The following CADPS2 variants were observed in gnomAD, a reference collection of about 807,000 sequenced individuals.
CADPS2 encodes the protein calcium-dependent secretion activator 2.
In CADPS2, 93 loss-of-function variants were observed where a neutral mutation model predicts 172.5. The ratio of observed to expected loss-of-function variants is 0.54; its 90% CI spans 0.46 to 0.64. The LOEUF is 0.64. Among genes scored for constraint, CADPS2 ranks in the 30% least tolerant of loss-of-function variants. The pLI, the probability that CADPS2 is intolerant of heterozygous loss-of-function variation, is 0.00. For missense variants in CADPS2, 1,420 were observed against 1,565.9 expected (o/e 0.91, Z 1.57); for synonymous variants, 546 against 555.2 (o/e 0.98, Z 0.23).
At chr7:122,498,746 CTTTT>C (rs1388625810) in intron 9 of CADPS2, among the ~76,000 whole-genome samples, 2 of 152,004 alleles carry the variant, frequency 1.3e-5, no homozygotes, top group African/African-American at 4.8e-5. Flanking sequence ...CTGTTATTTT[CTTTT>C]TTGTTATTGT....
intron 28 of CADPS2, among the ~76,000 whole-genome samples, chr7:122,329,883 G>A (rs1052508637): frequency 7.2e-5 from 11 of 152,156 alleles, no homozygotes; most frequent in Non-Finnish European, 1.5e-4. Context: ...AATGATTTTT[G>A]TCAGAATGCG....
At position 122,388,597 on chromosome 7, in the gene CADPS2, C is replaced by T. The variant is rs749164222; in HGVS notation, c.3150G>A (p.Glu1050=). 7 of 1,601,344 alleles carry T rather than the reference C, an allele frequency of 4.4e-6. No homozygotes were observed. The South Asian group carries it at 6.7e-5, about 15-fold the overall frequency. ...RLKLMASDML[E]ACVKRTRTAF... ...TACATGTCTACCTTTTGACACAGGCCTCTAGCATATCACTGGCCATTAGTT... is the reference window on the plus strand; with the variant it reads ...TACATGTCTACCTTTTGACACAGGCTTCTAGCATATCACTGGCCATTAGTT... Residue 1050 remains glutamate, a synonymous_variant, in exon 23 of 30, where the codon GAG becomes GAA. Transcript: ENST00000449022.
intron 2 of CADPS2, among the ~76,000 whole-genome samples, chr7:122,716,750 A>G (rs945425833): frequency 3.9e-5 from 6 of 152,154 alleles, no homozygotes; most frequent in African/African-American, 1.2e-4. Flanking sequence ...TCTACCAGGT[A>G]AATCATGAGG....
chr7:122,862,668 G>T (rs573892727), intron 1 of CADPS2, among the ~76,000 whole-genome samples: 1 of 152,014 alleles, frequency 6.6e-6, no homozygotes, highest in South Asian at 2.1e-4. Context: ...CCTTTAGAGT[G>T]TGACAACTAT....
In CADPS2 at chr7:122,325,465, C is replaced by T; in HGVS notation, c.3717+12G>A. 6.5e-7 allele frequency: 1 copy of T among 1,546,798 alleles called. No individual in the cohort carries two copies. Among genetic ancestry groups the T allele is most frequent in the Non-Finnish European group, 8.9e-7 (1 of 1,125,492 alleles). ...TTAGTGGGCAATTCATATCTAAACA[C>T]ATTTTGTTTACCTTCACAATCTTGA... On this transcript the variant is annotated intron_variant, in intron 29 of 29. Coordinates refer to ENST00000449022, the MANE Select transcript of CADPS2 (RefSeq NM_017954.11).
intron 8 of CADPS2, among the ~76,000 whole-genome samples, chr7:122,515,359 C>T (rs2060280792): frequency 2.0e-5 from 3 of 152,188 alleles, no homozygotes; most frequent in African/African-American, 7.2e-5. Flanking sequence ...CTCTGTGGTT[C>T]TAGTGACAGG....
chr7:122,588,673 T>C (rs2070197202), intron 6 of CADPS2, among the ~76,000 whole-genome samples: 1 of 151,940 alleles, frequency 6.6e-6, no homozygotes, highest in African/African-American at 2.4e-5. Flanking sequence ...GTAGAAAATC[T>C]TTCCAAAAGT....
intron 9 of CADPS2, among the ~76,000 whole-genome samples, chr7:122,504,355 A>G (rs1344565664): frequency 6.6e-6 from 1 of 151,786 alleles, no homozygotes; most frequent in Admixed American, 6.6e-5. Flanking sequence ...TTTGAGTCTT[A>G]GAAGAATTGT....
intron 27 of CADPS2, among the ~76,000 whole-genome samples, chr7:122,352,207 T>A (rs1251947744): frequency 6.6e-6 from 1 of 152,226 alleles, no homozygotes; most frequent in Non-Finnish European, 1.5e-5. Flanking sequence ...ATGAGCTTTA[T>A]ACTATTATAT....
rs1363583794 is a variant in CADPS2, at chr7:122,819,320, G to C, written c.339+66679C>G. On this transcript the variant is annotated intron_variant, in intron 1 of 29. Transcript: ENST00000449022. Reference sequence around the variant, plus strand: ...TCAACTCACCTGGCAGCCACTCCCAGAGCCCCTGGAACTCTGGCCCAAGGC... The same window carrying C: ...TCAACTCACCTGGCAGCCACTCCCACAGCCCCTGGAACTCTGGCCCAAGGC... Among the ~76,000 whole-genome samples the C allele has an allele frequency of 2.0e-5, 3 of 152,164 alleles. 1 individual carries two copies. Among genetic ancestry groups the C allele is most frequent in the Non-Finnish European group, 4.4e-5 (3 of 68,036 alleles).
At chr7:122,472,468 T>G (rs1037964952) in intron 13 of CADPS2, among the ~76,000 whole-genome samples, 2 of 152,166 alleles carry the variant, frequency 1.3e-5, no homozygotes, top group African/African-American at 4.8e-5. Context: ...TGTCCAAGAC[T>G]ACACTGCAAA....
chr7:122,722,578 T>G lies in CADPS2; in HGVS notation c.453+14377A>C, dbSNP rs555039289. Among the ~76,000 whole-genome samples the G allele has an allele frequency of 5.2e-3, 775 of 148,952 alleles. 10 individuals are homozygous for G. The highest frequency in any genetic ancestry group is 0.018 in the African/African-American group (733 of 40,148). On this transcript the variant is annotated intron_variant, in intron 2 of 29. Coordinates refer to ENST00000449022, the MANE Select transcript of CADPS2 (RefSeq NM_017954.11). ...AAATGGAAGAACATTCCATGCTCAT[T>G]GATAGGAAGAATCAATATTGTGAAA...
intron 25 of CADPS2, among the ~76,000 whole-genome samples, chr7:122,362,107 C>T (rs1055652447): frequency 6.6e-6 from 1 of 151,826 alleles, no homozygotes. Context: ...AACCAAAAAA[C>T]AAACAAACAA....
intron 1 of CADPS2, among the ~76,000 whole-genome samples, chr7:122,784,104 A>C (rs1305986119): frequency 1.3e-5 from 2 of 152,208 alleles, no homozygotes; most frequent in Non-Finnish European, 2.9e-5. Flanking sequence ...CTTTGAAAAT[A>C]AGATTATAAC....
intron 1 of CADPS2, among the ~76,000 whole-genome samples, chr7:122,844,133 T>C (rs563037542): frequency 6.6e-6 from 1 of 152,194 alleles, no homozygotes; most frequent in South Asian, 2.1e-4. Flanking sequence ...ACGGCCCCAC[T>C]AGGGACAGGA....
chr7:122,676,721 T>C, intron 2 of CADPS2: 1 of 1,558,578 alleles, frequency 6.4e-7, no homozygotes, highest in Non-Finnish European at 8.7e-7. Flanking sequence ...AGGAAGGACA[T>C]GGGGCCAACT....
chr7:122,428,958 A>T (rs2049532969), intron 17 of CADPS2, among the ~76,000 whole-genome samples: 1 of 152,180 alleles, frequency 6.6e-6, no homozygotes, highest in Non-Finnish European at 1.5e-5. Flanking sequence ...ATGTATAGTT[A>T]TTCAGAGTTG....
In CADPS2 at chr7:122,388,620, G is replaced by A. The variant is rs748009527; in HGVS notation, c.3127C>T (p.Leu1043=). The stretch of plus-strand genomic sequence containing the variant: ...GCCTCTAGCATATCACTGGCCATTA[G>A]TTTAAGTCTTTGCTCTAAGTGGTGG... ...FAHHLEQRLK[L]MASDMLEACV... is the part of the protein sequence containing the mutation. Residue 1043 remains leucine, a synonymous_variant, in exon 23 of 30, where the codon CTA becomes TTA. Transcript: ENST00000449022. 6.2e-7 allele frequency: 1 copy of A among 1,608,646 alleles called. No individual in the cohort carries two copies. Among genetic ancestry groups the A allele is most frequent in the South Asian group, 1.1e-5 (1 of 90,412 alleles).
At chr7:122,607,505 G>A (rs2073736004) in intron 6 of CADPS2, among the ~76,000 whole-genome samples, 1 of 152,070 alleles carries the variant, frequency 6.6e-6, no homozygotes, top group Admixed American at 6.6e-5. Context: ...AGTATATAAG[G>A]GGACGTGATT....
Sources: allele counts gnomAD v4.1 joint callset (sites outside exome capture counted in the v4.1 genomes callset), GRCh38; gene constraint gnomAD v4.1.1; transcripts MANE v1.5; gene names NCBI Gene and HGNC (gene_info 2026-07-23, HGNC 2026-07-21).